Variants in ABCA4 observed in about 807,000 individuals in gnomAD.
ABCA4 encodes ATP binding cassette subfamily A member 4, also known as retinal-specific phospholipid-transporting ATPase ABCA4.
ABCA4 carries 196 observed loss-of-function variants against 263.7 expected under a neutral mutation model. That is an observed-to-expected ratio of 0.74 (90% CI 0.66 to 0.84). The LOEUF (loss-of-function observed/expected upper bound fraction) is 0.84, where lower values mean the gene tolerates loss of function less well. Among genes scored for constraint, ABCA4 ranks in the 40% least tolerant of loss-of-function variants. The pLI is 0.00. For synonymous variants in ABCA4, 1,133 were observed against 1,094.2 expected, an observed-to-expected ratio of 1.04 and a Z score of -0.70; for missense variants, 2,792 against 2,855.1, an observed-to-expected ratio of 0.98 and a Z score of 0.50.
chr1:94,019,019 G>GTTTTTTTTTTTTTTTTT (rs757258025), intron 36 of ABCA4, among the ~76,000 whole-genome samples: 2 of 76,434 alleles, frequency 2.6e-5, no homozygotes, highest in African/African-American at 1.2e-4. Flanking sequence ...AAACAACCAG[G>GTTTTTTTTTTTTTTTTT]TTTTTTTTTT....
intron 16 of ABCA4, among the ~76,000 whole-genome samples, chr1:94,052,119 T>C (rs2101063937): frequency 6.6e-6 from 1 of 152,218 alleles, no homozygotes; most frequent in South Asian, 2.1e-4. Context: ...CCCCAGGAGA[T>C]AGGTAGTAAT....
At chr1:94,031,672 G>T in intron 27 of ABCA4, 106 bp downstream of exon 27, 1 of 1,428,082 alleles carries the variant, frequency 7.0e-7, no homozygotes. Context: ...TAAAGAGGGT[G>T]CTCCTTGCTG....
chr1:94,091,113 G>T (rs1364543778), intron 6 of ABCA4, among the ~76,000 whole-genome samples: 1 of 152,152 alleles, frequency 6.6e-6, no homozygotes, highest in Non-Finnish European at 1.5e-5. Context: ...CTAGGAATTT[G>T]GGGGAAAGGG....
chr1:94,111,416 T>C, intron 3 of ABCA4, 22 bp downstream of exon 3: 1 of 1,612,852 alleles, frequency 6.2e-7, no homozygotes, highest in Non-Finnish European at 8.5e-7. Context: ...CTCCCCTGCA[T>C]GGTAGGGATC....
In ABCA4 at chr1:94,116,968, C is replaced by CTCTTTCTTCTTTCTTTCTT. The variant is rs1553197104; in HGVS notation, c.67-3903_67-3902insAAGAAAGAAAGAAGAAAGA. On this transcript the variant is annotated intron_variant, in intron 1 of 49. Transcript: ENST00000370225. ...CCCTCCCTCCCTCCTTTCTTTCTTT[C>CTCTTTCTTCTTTCTTTCTT]TCTTTCTTTCTTTCTTTCTTTCTTT... 4.0e-5 allele frequency among the ~76,000 whole-genome samples: 4 copies of CTCTTTCTTCTTTCTTTCTT among 100,052 alleles called. 1 individual carries two copies. The highest frequency in any genetic ancestry group is 6.4e-4 in the East Asian group (2 of 3,138). The allele number at this position is 100,052 out of a possible 152,430, so 65.6% of individuals were successfully genotyped here.
chr1:94,101,047 A>G (rs1386504586), intron 5 of ABCA4, among the ~76,000 whole-genome samples: 3 of 152,270 alleles, frequency 2.0e-5, no homozygotes, highest in African/African-American at 7.2e-5. Flanking sequence ...TCAGCAGAGC[A>G]TCAGCTCATC....
intron 13 of ABCA4, 36 bp from the exon 14 acceptor site, chr1:94,060,795 C>T: frequency 6.7e-7 from 1 of 1,491,844 alleles, no homozygotes; most frequent in Non-Finnish European, 9.3e-7. Context: ...TAGTAGAGTG[C>T]TCTGTACCTG....
At chr1:94,089,796 A>C (rs1293125234) in intron 6 of ABCA4, among the ~76,000 whole-genome samples, 1 of 152,188 alleles carries the variant, frequency 6.6e-6, no homozygotes, top group African/African-American at 2.4e-5. Context: ...TTCTGGTTAC[A>C]ATAAATCACC....
intron 6 of ABCA4, among the ~76,000 whole-genome samples, chr1:94,085,219 A>G (rs529663714): frequency 1.3e-3 from 198 of 152,288 alleles, no homozygotes; most frequent in Middle Eastern, 3.4e-3. Context: ...GTTGTCTGTG[A>G]TTTGCTTCAA....
At chr1:93,997,638 A>G (rs543419137) in intron 48 of ABCA4, among the ~76,000 whole-genome samples, 1 of 152,202 alleles carries the variant, frequency 6.6e-6, no homozygotes, top group Non-Finnish European at 1.5e-5. Flanking sequence ...ATAGCATCAC[A>G]GGGAAGGAAA....
Position 94,043,411 on chromosome 1 carries a change from G to A in ABCA4, c.3115C>T (p.Gln1039Ter). ...TCCAACATGGCTTCCATCTCCAGCT[G>A]GGCCTCCTCCTGGGACTTTCCTTTC... is the stretch of plus-strand genomic sequence containing the variant. ...QLKGKSQEEA[Q>*]LEMEAMLEDT... Residue 1039 changes from glutamine (Q) to a stop codon, truncating the protein, a stop_gained, in exon 21 of 50, where the codon CAG (glutamine) becomes TAG (stop). Transcript: ENST00000370225. LOFTEE classifies it high-confidence loss of function. 3 of 1,614,162 alleles carry A rather than the reference G, an allele frequency of 1.9e-6. No individual in the cohort carries two copies. The highest frequency in any genetic ancestry group is 2.5e-6 in the Non-Finnish European group (3 of 1,180,046).
intron 19 of ABCA4, 37 bp from the exon 20 acceptor site, chr1:94,044,781 CT>C (rs1172805391): frequency 6.2e-7 from 1 of 1,614,058 alleles, no homozygotes; most frequent in Non-Finnish European, 8.5e-7. Flanking sequence ...AAGAGATGGC[CT>C]TTAGCAACAT....
chr1:94,044,759 C>A lies in ABCA4; in HGVS notation c.2919-15G>T. 1 of 1,614,194 alleles carries A rather than the reference C, an allele frequency of 6.2e-7. No individual in the cohort carries two copies. ...TCAGGATGGACCTGCAGAACACAGG[C>A]GTCAGTGGCAGAAGAGATGGCCTTT... On this transcript the variant is annotated splice_polypyrimidine_tract_variant and intron_variant, in intron 19 of 49. Transcript: ENST00000370225.
intron 47 of ABCA4, 38 bp downstream of exon 47, chr1:94,000,798 C>G: frequency 6.2e-7 from 1 of 1,602,374 alleles, no homozygotes; most frequent in Non-Finnish European, 8.6e-7. Flanking sequence ...GGTGGATCCA[C>G]AGAAGGCAAC....
Position 94,070,319 on chromosome 1 carries a change from T to C in ABCA4, c.1555-7002A>G, listed in dbSNP as rs547531849. Among the ~76,000 whole-genome samples the C allele has an allele frequency of 2.0e-4, 30 of 152,286 alleles. No homozygotes were observed. In the South Asian group the frequency reaches 5.2e-3, roughly 26 times the overall value. On this transcript the variant is annotated intron_variant, in intron 11 of 49. Transcript: ENST00000370225. ...GCAAGAGATGGTGTCCTTTCACCTA[T>C]AGGTGAAGCTTTTGCAAGCCGTGCC... is the stretch of plus-strand genomic sequence containing the variant.
At chr1:94,104,180 C>A (rs780555521) in intron 4 of ABCA4, among the ~76,000 whole-genome samples, 2 of 152,210 alleles carry the variant, frequency 1.3e-5, no homozygotes. Flanking sequence ...TGGCCTCAAC[C>A]CTGCTAGTGC....
intron 11 of ABCA4, among the ~76,000 whole-genome samples, chr1:94,063,647 G>C (rs977881950): frequency 2.6e-5 from 4 of 152,186 alleles, no homozygotes; most frequent in African/African-American, 7.2e-5. Flanking sequence ...CTCCAGCATG[G>C]GGAGGCGAGG....
Position 94,121,121 on chromosome 1 carries a change from A to T in ABCA4, c.-76T>A. The stretch of plus-strand genomic sequence containing the variant: ...AGCAAAGGACATAAACGCCGTTAAG[A>T]GCGCCTCTGGCTCCGGACGCTGTGT... On this transcript the variant is annotated 5_prime_UTR_variant, in exon 1 of 50. Transcript: ENST00000370225. 1 of 1,390,550 alleles carries T rather than the reference A, an allele frequency of 7.2e-7. No homozygotes were observed. Among genetic ancestry groups the T allele is most frequent in the East Asian group, 2.3e-5 (1 of 43,822 alleles). 86.1% of individuals were successfully genotyped at this position (1,390,550 alleles called of 1,614,324 possible).
intron 35 of ABCA4, 76 bp downstream of exon 35, chr1:94,021,164 T>G (rs1659884720): frequency 6.2e-7 from 1 of 1,600,700 alleles, no homozygotes; most frequent in African/African-American, 1.3e-5. Context: ...TTCGCGGTGG[T>G]GAGAATCCTC....
Sources: gnomAD v4.1 joint callset for allele counts (sites outside exome capture counted in the v4.1 genomes callset) on GRCh38, gnomAD v4.1.1 for gene constraint, MANE v1.5 for transcripts, NCBI Gene and HGNC (gene_info 2026-07-23, HGNC 2026-07-21) for gene names.